SAMD12: variants seen among roughly 807,000 people sequenced by gnomAD.
SAMD12 encodes sterile alpha motif domain-containing protein 12.
SAMD12 carries 9 observed loss-of-function variants against 15.0 expected under a neutral mutation model. The observed-to-expected ratio is 0.60, with a 90% CI of 0.36 to 1.05. The LOEUF (loss-of-function observed/expected upper bound fraction) is 1.05, where lower values mean the gene tolerates loss of function less well. Among genes scored for constraint, SAMD12 ranks in the 50% least tolerant of loss-of-function variants. The probability of loss-of-function intolerance (pLI) is 0.01; values close to 1 mark genes in which losing one functional copy is unlikely to be tolerated. For synonymous variants in SAMD12, 86 were observed against 90.1 expected, an observed-to-expected ratio of 0.96 and a Z score of 0.25; for missense variants, 230 against 234.2, an observed-to-expected ratio of 0.98 and a Z score of 0.12.
intron 2 of SAMD12, among the ~76,000 whole-genome samples, chr8:118,514,758 T>C (rs900860323): frequency 5.3e-5 from 8 of 152,208 alleles, no homozygotes; most frequent in Non-Finnish European, 1.2e-4. Context: ...GAGAAAAAAC[T>C]TAACATTGGG....
At chr8:118,184,581 C>T (rs779827714), downstream of SAMD12, among the ~76,000 whole-genome samples, 35 of 152,124 alleles carry the variant, frequency 2.3e-4, no homozygotes, top group African/African-American at 7.7e-4. Context: ...CTGCAACCTC[C>T]GGCTCCCCAG....
chr8:118,168,266 A>G, the SAMD12 span, among the ~76,000 whole-genome samples: 2 of 152,158 alleles, frequency 1.3e-5, no homozygotes, highest in Admixed American at 6.5e-5. Context: ...TGGCCAAAGG[A>G]GGGACCATTG....
intron 4 of SAMD12, among the ~76,000 whole-genome samples, chr8:118,272,772 T>C (rs1813396411): frequency 6.6e-6 from 1 of 152,182 alleles, no homozygotes. Flanking sequence ...AAGTTCCTCA[T>C]CTCCATCTGA....
chr8:118,355,871 C>CA (rs936942594), intron 4 of SAMD12, among the ~76,000 whole-genome samples: 1 of 152,120 alleles, frequency 6.6e-6, no homozygotes, highest in South Asian at 2.1e-4. Flanking sequence ...TTCTGGTTGA[C>CA]AAAAAATCTA....
At chr8:118,222,202 G>A (rs915814543) in intron 4 of SAMD12, among the ~76,000 whole-genome samples, 6 of 152,076 alleles carry the variant, frequency 3.9e-5, no homozygotes, top group Non-Finnish European at 5.9e-5. Flanking sequence ...AGCAGGGAAA[G>A]CAAGAGGAGG....
In SAMD12 at chr8:118,278,162, T is replaced by C. The variant is rs1391848567; in HGVS notation, c.434-80430A>G. Among the ~76,000 whole-genome samples the C allele has an allele frequency of 2.0e-5, 3 of 152,320 alleles. No homozygotes were observed. In the East Asian group the frequency reaches 5.8e-4, roughly 29 times the overall value. The stretch of plus-strand genomic sequence containing the variant: ...TGACCAAATATCTCAGATTTAACAC[T>C]CTTTAAACCTGTGAGAGTAATTAAG... On this transcript the variant is annotated intron_variant, in intron 4 of 4. Coordinates refer to the SAMD12 transcript ENST00000409003.
chr8:118,415,620 T>C (rs1821648801), intron 3 of SAMD12, among the ~76,000 whole-genome samples: 1 of 152,176 alleles, frequency 6.6e-6, no homozygotes, highest in African/African-American at 2.4e-5. Context: ...GATTCTACTG[T>C]TTATTCAAGA....
intron 2 of SAMD12, among the ~76,000 whole-genome samples, chr8:118,489,391 T>C (rs1278901935): frequency 1.3e-5 from 2 of 152,176 alleles, no homozygotes; most frequent in Non-Finnish European, 2.9e-5. Context: ...TGTGCTTTGT[T>C]TCAGGAATTT....
chr8:118,261,268 G>C (rs1045574160), intron 4 of SAMD12, among the ~76,000 whole-genome samples: 3 of 151,982 alleles, frequency 2.0e-5, no homozygotes, highest in African/African-American at 7.2e-5. Flanking sequence ...CTAAGGTGAC[G>C]TCTACACTTT....
chr8:118,260,131 T>A (rs1330184305), intron 4 of SAMD12, among the ~76,000 whole-genome samples: 1 of 152,120 alleles, frequency 6.6e-6, no homozygotes, highest in Non-Finnish European at 1.5e-5. Flanking sequence ...CTGGGTAATA[T>A]TCTCCAACAA....
intron 4 of SAMD12, among the ~76,000 whole-genome samples, chr8:118,201,861 T>C (rs771465926): frequency 4.7e-4 from 71 of 152,348 alleles, no homozygotes; most frequent in Admixed American, 1.4e-3. Context: ...TTACTATTAA[T>C]AGTTTAGACA....
chr8:118,377,331 G>A (rs1271266245), downstream of SAMD12, among the ~76,000 whole-genome samples: 1 of 152,154 alleles, frequency 6.6e-6, no homozygotes, highest in East Asian at 1.9e-4. Flanking sequence ...CTCGGAGGTG[G>A]AGGTTGCAGT....
intron 2 of SAMD12, among the ~76,000 whole-genome samples, chr8:118,573,722 A>C (rs1048451487): frequency 6.6e-6 from 1 of 152,244 alleles, no homozygotes; most frequent in Non-Finnish European, 1.5e-5. Context: ...CAACCATTAT[A>C]GAACTCAGTA....
chr8:118,558,849 G>A, intron 2 of SAMD12, among the ~76,000 whole-genome samples: 1 of 152,282 alleles, frequency 6.6e-6, no homozygotes, highest in East Asian at 1.9e-4. Context: ...GAGCCACCGC[G>A]CCCGGCCGAC....
chr8:118,391,402 G>A (rs185724502), intron 3 of SAMD12, among the ~76,000 whole-genome samples: 8 of 152,252 alleles, frequency 5.3e-5, no homozygotes, highest in Admixed American at 1.3e-4. Flanking sequence ...TTTATTAAGT[G>A]TCACTAGGTG....
At chr8:118,411,380 G>A (rs973331927) in intron 3 of SAMD12, among the ~76,000 whole-genome samples, 2 of 152,216 alleles carry the variant, frequency 1.3e-5, no homozygotes, top group Admixed American at 1.3e-4. Context: ...CCAGGATGCT[G>A]TGAGAATGAT....
intron 4 of SAMD12, among the ~76,000 whole-genome samples, chr8:118,251,784 T>C (rs1812826474): frequency 6.6e-6 from 1 of 152,106 alleles, no homozygotes. Context: ...TCAAAGACCT[T>C]GTCTCTCACT....
chr8:118,166,426 TA>T, the SAMD12 span, among the ~76,000 whole-genome samples: 1 of 152,132 alleles, frequency 6.6e-6, no homozygotes, highest in East Asian at 1.9e-4. Flanking sequence ...TGTGGCTCTG[TA>T]AAAAAAGCAA....
chr8:118,480,309 C>T (rs1824089608), intron 2 of SAMD12, among the ~76,000 whole-genome samples: 1 of 152,188 alleles, frequency 6.6e-6, no homozygotes, highest in African/African-American at 2.4e-5. Flanking sequence ...CAGCATGCAT[C>T]TCCCCAACAC....
Sources: gnomAD v4.1 joint callset for allele counts (sites outside exome capture counted in the v4.1 genomes callset) on GRCh38, gnomAD v4.1.1 for gene constraint, MANE v1.5 for transcripts, NCBI Gene and HGNC (gene_info 2026-07-23, HGNC 2026-07-21) for gene names.